NRXN2: variants seen among roughly 807,000 people sequenced by gnomAD.
The protein encoded by NRXN2 is neurexin 2.
In NRXN2, 29 loss-of-function variants were observed where a neutral mutation model predicts 128.8. The observed-to-expected ratio is 0.23, with a 90% CI of 0.17 to 0.31. The LOEUF (loss-of-function observed/expected upper bound fraction) is 0.31. Ranked by LOEUF, NRXN2 falls within the 10% of genes least tolerant of loss-of-function variation. NRXN2 has a pLI of 1.00. For missense variants in NRXN2, 1,881 were observed against 2,452.6 expected (o/e 0.77, Z 4.92); for synonymous variants, 1,098 against 1,075.2 (o/e 1.02, Z -0.41).
At chr11:64,701,578 C>T (rs969339460) in intron 2 of NRXN2, among the ~76,000 whole-genome samples, 11 of 152,180 alleles carry the variant, frequency 7.2e-5, no homozygotes, top group Middle Eastern at 6.8e-3. Context: ...TCTCTACAAA[C>T]AAACGCAAAA....
chr11:64,678,597 G>A (rs2051696487), intron 6 of NRXN2, among the ~76,000 whole-genome samples: 1 of 152,106 alleles, frequency 6.6e-6, no homozygotes, highest in Admixed American at 6.5e-5. Flanking sequence ...CCAATCTCTA[G>A]TGTCCCCACT....
chr11:64,642,780 C>A, intron 17 of NRXN2: 1 of 1,168,858 alleles, frequency 8.6e-7, no homozygotes, highest in Non-Finnish European at 1.1e-6. Flanking sequence ...GGCACCCCCC[C>A]GGCCCGCTCC....
Position 64,622,896 on chromosome 11 carries a change from G to A in NRXN2, c.4030C>T (p.Pro1344Ser). Reference sequence around the variant, plus strand: ...GTCTCCGCACTGAGCAGCACGGACGGCCCCTCCCCCACCAGGCGCAGGTGA... The same window carrying A: ...GTCTCCGCACTGAGCAGCACGGACGACCCCTCCCCCACCAGGCGCAGGTGA... ...EGHLRLVGEG[P>S]SVLLSAETTA... is the part of the protein sequence containing the mutation. Residue 1344 changes from proline (P) to serine (S), a missense_variant, in exon 21 of 23, where the codon CCG (proline) becomes TCG (serine). Around this residue, in one of 7 missense-constraint regions of NRXN2, gnomAD observed 108 missense variants for 165.2 expected, o/e 0.65. Coordinates refer to ENST00000265459, the MANE Select transcript of NRXN2 (RefSeq NM_015080.4). This position sits in a 1 kb window ranked among gnomAD's most constrained non-coding sequence, Gnocchi z 4.3. The A allele has an allele frequency of 6.2e-7, 1 of 1,613,052 alleles. No homozygotes were observed. The highest frequency in any genetic ancestry group is 8.5e-7 in the Non-Finnish European group (1 of 1,179,840).
chr11:64,631,724 C>G lies in NRXN2; in HGVS notation c.3586-1151G>C, dbSNP rs149458852. On this transcript the variant is annotated intron_variant, in intron 18 of 22. Transcript: ENST00000265459. This position sits in a 1 kb window ranked among gnomAD's most constrained non-coding sequence, Gnocchi z 4.8. ...CTTTGCCCACCAGTCTAGGAAGACC[C>G]TGACTCAAGGAGGTGGGGGTGTGGG... is the stretch of plus-strand genomic sequence containing the variant. 8.7e-4 allele frequency among the ~76,000 whole-genome samples: 133 copies of G among 152,220 alleles called. No individual in the cohort carries two copies. The highest frequency in any genetic ancestry group is 3.4e-3 in the Middle Eastern group (1 of 294).
chr11:64,620,965 C>T (rs1315010946), intron 21 of NRXN2, among the ~76,000 whole-genome samples: 1 of 151,808 alleles, frequency 6.6e-6, no homozygotes, highest in African/African-American at 2.4e-5. Context: ...AGAGAATCCC[C>T]AAGATGAGTG....
At chr11:64,626,395 A>G in intron 20 of NRXN2, 68 bp downstream of exon 20, 2 of 1,286,374 alleles carry the variant, frequency 1.6e-6, no homozygotes, top group Admixed American at 3.6e-5. Flanking sequence ...GGGGAAAGAG[A>G]GAGCTCTGCA....
intron 22 of NRXN2, 126 bp from the exon 23 acceptor site, chr11:64,608,208 T>C: frequency 1.3e-6 from 1 of 766,872 alleles, no homozygotes; most frequent in Admixed American, 2.1e-5. Flanking sequence ...TGGCGGAGAC[T>C]AGAGCGGGCT....
chr11:64,661,560 T>A (rs550243760), intron 9 of NRXN2, among the ~76,000 whole-genome samples: 2 of 152,346 alleles, frequency 1.3e-5, no homozygotes, highest in Non-Finnish European at 2.9e-5. Flanking sequence ...CAGAAGGGGC[T>A]GAAAGATCTT....
chr11:64,686,697 G>A (rs1015202798), intron 5 of NRXN2, among the ~76,000 whole-genome samples: 1 of 152,234 alleles, frequency 6.6e-6, no homozygotes, highest in Non-Finnish European at 1.5e-5. Flanking sequence ...ACAGGCCCAA[G>A]ATGGAGGGCA....
chr11:64,688,286 C>G (rs2053345724), intron 5 of NRXN2: 15 of 985,288 alleles, frequency 1.5e-5, no homozygotes, highest in Non-Finnish European at 1.8e-5. Flanking sequence ...GCTCCAGTCC[C>G]TTTACCACCG....
intron 19 of NRXN2, among the ~76,000 whole-genome samples, chr11:64,626,869 G>T (rs1409229601): frequency 6.6e-6 from 1 of 152,214 alleles, no homozygotes; most frequent in East Asian, 1.9e-4. Flanking sequence ...CTGTGGTTAA[G>T]CTGCTGTGGC....
chr11:64,613,230 G>A (rs950589292), intron 22 of NRXN2, among the ~76,000 whole-genome samples: 1 of 152,276 alleles, frequency 6.6e-6, no homozygotes, highest in African/African-American at 2.4e-5. Flanking sequence ...AGATGGATCT[G>A]AGCATGAGCG....
rs774150455 is a variant in NRXN2 at position 64,607,295 on chromosome 11, C to T, written c.5040G>A (p.Ser1680=). 2 of 1,613,818 alleles carry T rather than the reference C, an allele frequency of 1.2e-6. No homozygotes were observed. Among genetic ancestry groups the T allele is most frequent in the Non-Finnish European group, 1.7e-6 (2 of 1,179,950 alleles). Reference sequence around the variant, plus strand: ...TCACCACCGCCCCATTGCTCTGGGCCGAGTTACTGATGTAGTTTCGGCTCT... The same window carrying T: ...TCACCACCGCCCCATTGCTCTGGGCTGAGTTACTGATGTAGTTTCGGCTCT... ...VDQSRNYISN[S]AQSNGAVVKE... Residue 1680 remains serine (S), a synonymous_variant, in exon 23 of 23, where the codon TCG becomes TCA. Coordinates refer to ENST00000265459, the MANE Select transcript of NRXN2 (RefSeq NM_015080.4).
Position 64,713,757 on chromosome 11 carries a change from C to T in NRXN2, c.-58G>A. 1 of 968,714 alleles carries T rather than the reference C, an allele frequency of 1.0e-6. No homozygotes were observed. 60.0% of individuals were successfully genotyped at this position (968,714 alleles called of 1,614,324 possible). On this transcript the variant is annotated 5_prime_UTR_variant, in exon 2 of 23. Coordinates refer to ENST00000265459, the MANE Select transcript of NRXN2 (RefSeq NM_015080.4). ...GGCCCCCGCTCAGGCTTCAGAGCCGCGGGCGCATGGGGCGGGAGGGGGCCG... is the reference window on the plus strand; with the variant it reads ...GGCCCCCGCTCAGGCTTCAGAGCCGTGGGCGCATGGGGCGGGAGGGGGCCG...
At chr11:64,673,188 A>C (rs1281247916) in intron 7 of NRXN2, among the ~76,000 whole-genome samples, 1 of 152,210 alleles carries the variant, frequency 6.6e-6, no homozygotes, top group Admixed American at 6.5e-5. Context: ...CAGGCATTCA[A>C]GTTTAAATGA....
chr11:64,643,352 C>A, intron 17 of NRXN2: 1 of 73,340 alleles, frequency 1.4e-5, no homozygotes, highest in Non-Finnish European at 1.7e-5. Context: ...AAGGAGGGAG[C>A]GGCCGGGGGA....
At chr11:64,621,878 G>C (rs1486849166) in intron 21 of NRXN2, among the ~76,000 whole-genome samples, 1 of 152,146 alleles carries the variant, frequency 6.6e-6, no homozygotes, top group Non-Finnish European at 1.5e-5. Context: ...TCCTGCTCCA[G>C]CAGAGCCCCA....
rs1275704255 is a variant in NRXN2 at position 64,648,234 on chromosome 11, G to A, written c.3388C>T (p.Pro1130Ser). ...AGGCACTCACGATCATTGCAGACAG[G>A]GCCTCCATAGGAAGTCATGGTGCAG... is the stretch of plus-strand genomic sequence containing the variant. Reference protein sequence around the residue: ...CDCTMTSYGGPVCNDPGTTYI... With the variant: ...CDCTMTSYGGSVCNDPGTTYI... The change falls in exon 17 of 23, where the codon CCT becomes TCT. Residue 1130 changes from proline to serine, a missense_variant. Pro to Ser is a moderately conservative substitution (Grantham distance 74, BLOSUM62 -1). Coordinates refer to ENST00000265459, the MANE Select transcript of NRXN2 (RefSeq NM_015080.4). This position sits in a 1 kb window ranked among gnomAD's most constrained non-coding sequence, Gnocchi z 4.1. 6.2e-7 allele frequency: 1 copy of A among 1,614,184 alleles called. No individual in the cohort carries two copies. Among genetic ancestry groups the A allele is most frequent in the East Asian group, 2.2e-5 (1 of 44,886 alleles).
chr11:64,679,513 C>A (rs545167), intron 6 of NRXN2, among the ~76,000 whole-genome samples: 9,490 of 151,804 alleles, frequency 0.063, 1,009 homozygotes, highest in African/African-American at 0.22. Flanking sequence ...GGCGGGCGCC[C>A]GTAGTCCCAG....
Sources: gnomAD v4.1 joint callset for allele counts (sites outside exome capture counted in the v4.1 genomes callset) on GRCh38, gnomAD v4.1.1 for gene constraint, gnomAD v4.1.1 regional missense constraint, Gnocchi (gnomAD v3.1) non-coding constraint, MANE v1.5 for transcripts, NCBI Gene and HGNC (gene_info 2026-07-23, HGNC 2026-07-21) for gene names.